FBXO28: variants seen among roughly 807,000 people sequenced by gnomAD.
The protein encoded by FBXO28 is F-box only protein 28.
FBXO28 carries 8 observed loss-of-function variants against 38.1 expected under a neutral mutation model. The observed-to-expected ratio is 0.21, with a 90% confidence interval of 0.12 to 0.38. The LOEUF is 0.38. Among genes scored for constraint, FBXO28 ranks in the 10% least tolerant of loss-of-function variants. The pLI is 1.00. For synonymous variants in FBXO28, 168 were observed against 173.8 expected (o/e 0.97, Z 0.26); for missense variants, 345 against 460.6 (o/e 0.75, Z 2.30).
chr1:224,114,483 C>T lies in FBXO28; in HGVS notation c.267+87C>T, dbSNP rs575345908. 46 of 1,181,140 alleles carry T rather than the reference C, an allele frequency of 3.9e-5. No individual in the cohort carries two copies. In the African/African-American group the frequency reaches 5.5e-4, roughly 14 times the overall value. The allele number at this position is 1,181,140 out of a possible 1,614,324, so 73.2% of individuals were successfully genotyped here. A position where few individuals can be genotyped will look rare whatever the true frequency, so the allele number is the denominator to read the frequency against. ...GGGAGCGCGTTCCCCGGGAAGGGAG[C>T]CCCCCGCGAGCCCCAGCCGGCTACA... On this transcript the variant is annotated intron_variant, in intron 1 of 4. Transcript: ENST00000366862.
At chr1:224,147,478 T>C (rs1020262220) in intron 3 of FBXO28, among the ~76,000 whole-genome samples, 7 of 151,760 alleles carry the variant, frequency 4.6e-5, no homozygotes, top group Admixed American at 3.3e-4. Context: ...TTTTAAAATA[T>C]GAATTTTAAA....
At chr1:224,149,368 T>G (rs984733385) in intron 3 of FBXO28, among the ~76,000 whole-genome samples, 6 of 152,078 alleles carry the variant, frequency 3.9e-5, no homozygotes, top group Admixed American at 2.6e-4. Flanking sequence ...ATTTTTTAAT[T>G]TTTTGTAGAG....
chr1:224,138,044 ATGGTGAAACCC>A (rs1657238189), intron 3 of FBXO28, among the ~76,000 whole-genome samples: 1 of 151,726 alleles, frequency 6.6e-6, no homozygotes, highest in African/African-American at 2.4e-5. Context: ...CCTGGCCAAC[ATGGTGAAACCC>A]TGTCTATACT....
At chr1:224,155,372 G>A (rs1186851941) in intron 4 of FBXO28, among the ~76,000 whole-genome samples, 1 of 151,966 alleles carries the variant, frequency 6.6e-6, no homozygotes, top group Non-Finnish European at 1.5e-5. Flanking sequence ...TCACCATGTT[G>A]TTCAGGCTGG....
intron 3 of FBXO28, among the ~76,000 whole-genome samples, chr1:224,149,412 A>G (rs1657588091): frequency 6.6e-6 from 1 of 152,002 alleles, no homozygotes; most frequent in African/African-American, 2.4e-5. Context: ...GCTGGTCTCA[A>G]ACTCCTGTCC....
At chr1:224,156,687 A>G (rs1572028724) in intron 4 of FBXO28, among the ~76,000 whole-genome samples, 1 of 152,262 alleles carries the variant, frequency 6.6e-6, no homozygotes, top group South Asian at 2.1e-4. Flanking sequence ...TATGTTTGTT[A>G]TGTGAATTAG....
chr1:224,136,101 G>GTTTTTTTTGT (rs1657177033), intron 3 of FBXO28, among the ~76,000 whole-genome samples: 1 of 75,114 alleles, frequency 1.3e-5, no homozygotes, highest in African/African-American at 5.6e-5. Flanking sequence ...GTTGACTTCA[G>GTTTTTTTTGT]TTTTTTTTTT....
chr1:224,139,764 G>GCATGCATACATACATACATA lies in FBXO28; in HGVS notation c.516+5555_516+5556insGCATACATACATACATACAT, dbSNP rs1386239166. Among the ~76,000 whole-genome samples, 716 of 146,032 alleles carry GCATGCATACATACATACATA rather than the reference G, an allele frequency of 4.9e-3. 4 individuals carry two copies. Among genetic ancestry groups the GCATGCATACATACATACATA allele is most frequent in the African/African-American group, 0.015 (569 of 38,746 alleles). The stretch of plus-strand genomic sequence containing the variant: ...GAAATAAATACATACATGCATGCAT[G>GCATGCATACATACATACATA]CATACATACATACATACATACATAC... On this transcript the variant is annotated intron_variant, in intron 3 of 4. Transcript: ENST00000366862.
chr1:224,118,560 C>T (rs989741760), intron 1 of FBXO28, among the ~76,000 whole-genome samples: 1 of 152,174 alleles, frequency 6.6e-6, no homozygotes. Flanking sequence ...GCTTTTGTCT[C>T]AAGATATTTC....
chr1:224,129,851 G>A (rs559749974), intron 1 of FBXO28, among the ~76,000 whole-genome samples: 13 of 152,310 alleles, frequency 8.5e-5, no homozygotes, highest in East Asian at 1.9e-4. Flanking sequence ...TTAGCCGGGC[G>A]TGGTGGCGGG....
chr1:224,117,568 A>G (rs1572003048), intron 1 of FBXO28, among the ~76,000 whole-genome samples: 1 of 152,238 alleles, frequency 6.6e-6, no homozygotes, highest in East Asian at 1.9e-4. Context: ...GCTGAACACA[A>G]CCTTTGAAAT....
In FBXO28 at chr1:224,140,204, C is replaced by A. The variant is rs1657310987; in HGVS notation, c.516+5992C>A. On this transcript the variant is annotated intron_variant, in intron 3 of 4. Transcript: ENST00000366862. ...TGTATTTCCTAAAAGCTAGGATACT[C>A]TTACTTAACCACAGTACAGAGAGCA... Among the ~76,000 whole-genome samples the A allele has an allele frequency of 3.9e-5, 6 of 152,186 alleles. No homozygotes were observed. In the South Asian group the frequency reaches 1.2e-3, roughly 31 times the overall value.
intron 3 of FBXO28, among the ~76,000 whole-genome samples, chr1:224,147,420 C>CA (rs11405030): frequency 0.95 from 132,790 of 139,266 alleles, 63,345 homozygotes; most frequent in Middle Eastern, 0.99. Flanking sequence ...GAGACTGTGT[C>CA]AAAAAAAAAA....
Position 224,153,169 on chromosome 1 carries a change from A to C in FBXO28, c.544A>C (p.Arg182=). 6.2e-7 allele frequency: 1 copy of C among 1,607,168 alleles called. No individual in the cohort carries two copies. The highest frequency in any genetic ancestry group is 8.5e-7 in the Non-Finnish European group (1 of 1,178,080). Residue 182 remains arginine, a synonymous_variant, in exon 4 of 5, where the codon AGA becomes CGA. Coordinates refer to ENST00000366862, the MANE Select transcript of FBXO28 (RefSeq NM_015176.4). ...KVIDEIYRVL[R]YVNSTRAPQR... The stretch of plus-strand genomic sequence containing the variant: ...GATTGATGAGATTTATCGTGTGTTG[A>C]GATATGTCAATTCTACCAGAGCCCC...
At chr1:224,122,081 AT>A (rs1426266212) in intron 1 of FBXO28, among the ~76,000 whole-genome samples, 1 of 152,032 alleles carries the variant, frequency 6.6e-6, no homozygotes, top group East Asian at 1.9e-4. Flanking sequence ...CCCAAATAGA[AT>A]TTTTTTTAAA....
At chr1:224,135,952 T>C (rs1657172402) in intron 3 of FBXO28, among the ~76,000 whole-genome samples, 2 of 151,902 alleles carry the variant, frequency 1.3e-5, no homozygotes, top group Non-Finnish European at 2.9e-5. Flanking sequence ...GGAGAGTCAC[T>C]TGAACCAGGC....
chr1:224,145,041 G>A (rs1657464992), intron 3 of FBXO28, among the ~76,000 whole-genome samples: 1 of 151,756 alleles, frequency 6.6e-6, no homozygotes, highest in African/African-American at 2.4e-5. Context: ...TAGCACTTTG[G>A]GAGGCTGAGT....
At chr1:224,139,949 G>A (rs1347954956) in intron 3 of FBXO28, among the ~76,000 whole-genome samples, 1 of 152,102 alleles carries the variant, frequency 6.6e-6, no homozygotes, top group Non-Finnish European at 1.5e-5. Flanking sequence ...TAATTAGCTG[G>A]GTGTGGTGGC....
intron 3 of FBXO28, among the ~76,000 whole-genome samples, chr1:224,142,233 TC>T (rs1294861291): frequency 6.6e-6 from 1 of 151,662 alleles, no homozygotes; most frequent in African/African-American, 2.4e-5. Context: ...GCACCTGTAG[TC>T]CCAGCTACTC....
Sources: gnomAD v4.1 joint callset for allele counts (sites outside exome capture counted in the v4.1 genomes callset) on GRCh38, gnomAD v4.1.1 for gene constraint, MANE v1.5 for transcripts, NCBI Gene and HGNC (gene_info 2026-07-23, HGNC 2026-07-21) for gene names.